RAD54L2: variants seen among roughly 807,000 people sequenced by gnomAD.
The protein encoded by RAD54L2 is helicase ARIP4.
A neutral mutation model predicts 138.4 loss-of-function variants in RAD54L2; 27 were observed. That is an observed-to-expected ratio of 0.20 (90% CI 0.14 to 0.27). The LOEUF (loss-of-function observed/expected upper bound fraction) is 0.27. RAD54L2 is among the 10% of genes least tolerant of loss of function. The probability of loss-of-function intolerance (pLI) is 1.00; values close to 1 mark genes in which losing one functional copy is unlikely to be tolerated. For synonymous variants in RAD54L2, 644 were observed against 723.2 expected (o/e 0.89, Z 1.76); for missense variants, 1,396 against 1,890.2 (o/e 0.74, Z 4.85).
rs1276944523 is a variant in RAD54L2 at position 51,667,279 on chromosome 3, C to T, written c.*3859C>T. ...TCCCGGTTTCAAGCGATCCTCCTGC[C>T]TCAGCCTCCCAAGTAGCTGGGATTA... On this transcript the variant is annotated 3_prime_UTR_variant, in exon 23 of 23. Transcript: ENST00000684192. 1 of 152,160 alleles carries T rather than the reference C, an allele frequency of 6.6e-6. No homozygotes were observed. Among genetic ancestry groups the T allele is most frequent in the African/African-American group, 2.4e-5 (1 of 41,380 alleles). 9.4% of individuals were successfully genotyped at this position (152,160 alleles called of 1,614,324 possible).
rs1256137797 is a variant in RAD54L2 at position 51,584,678 on chromosome 3, A to G, written c.-54-5689A>G. 6.7e-5 allele frequency among the ~76,000 whole-genome samples: 10 copies of G among 149,208 alleles called. No individual in the cohort carries two copies. In the South Asian group the frequency reaches 8.4e-4, roughly 13 times the overall value. ...ATATATACTATAATATATATACTCTATAGTACTTACTATAGAGTAACTGAA... is the reference window on the plus strand; with the variant it reads ...ATATATACTATAATATATATACTCTGTAGTACTTACTATAGAGTAACTGAA... On this transcript the variant is annotated intron_variant, in intron 2 of 22. Coordinates refer to ENST00000684192, the MANE Select transcript of RAD54L2 (RefSeq NM_015106.4).
intron 3 of RAD54L2, among the ~76,000 whole-genome samples, chr3:51,610,310 A>G (rs1221528511): frequency 3.3e-5 from 5 of 152,104 alleles, no homozygotes; most frequent in Admixed American, 2.6e-4. Flanking sequence ...TTATTAAAGA[A>G]TGAATCTTTG....
chr3:51,646,403 C>T lies in RAD54L2; in HGVS notation c.2948C>T (p.Thr983Ile). 1.2e-6 allele frequency: 2 copies of T among 1,613,844 alleles called. No individual in the cohort carries two copies. The highest frequency in any genetic ancestry group is 1.7e-6 in the Non-Finnish European group (2 of 1,179,816). Residue 983 changes from threonine (T) to isoleucine (I), a missense_variant, in exon 19 of 23, where the codon ACC (threonine) becomes ATC (isoleucine). Around this residue, in one of 7 missense-constraint regions of RAD54L2, gnomAD observed 634 missense variants for 711.2 expected, o/e 0.89. Coordinates refer to ENST00000684192, the MANE Select transcript of RAD54L2 (RefSeq NM_015106.4). The part of the protein sequence containing the change: ...EEDKRTSVPY[T>I]RPSYAQYYPA... The stretch of plus-strand genomic sequence containing the variant: ...GACAAACGCACATCAGTCCCCTATA[C>T]CCGCCCATCGTATGCGCAGTATTAC...
intron 5 of RAD54L2, 148 bp downstream of exon 5, chr3:51,629,621 G>A: frequency 9.5e-7 from 1 of 1,055,190 alleles, no homozygotes; most frequent in Non-Finnish European, 1.3e-6. Flanking sequence ...CATTATGGGA[G>A]GCTGAGGCAG....
At chr3:51,601,955 T>C (rs1177984646) in intron 3 of RAD54L2, among the ~76,000 whole-genome samples, 1 of 151,674 alleles carries the variant, frequency 6.6e-6, no homozygotes, top group African/African-American at 2.4e-5. Context: ...CTCAGCCCCC[T>C]GAGTTGCCAG....
chr3:51,555,019 T>G (rs1341015546), intron 2 of RAD54L2, among the ~76,000 whole-genome samples: 1 of 152,068 alleles, frequency 6.6e-6, no homozygotes, highest in East Asian at 1.9e-4. Context: ...ATTTTTGTAT[T>G]TTTTATAGTA....
intron 9 of RAD54L2, among the ~76,000 whole-genome samples, chr3:51,634,373 T>C (rs1284883756): frequency 2.7e-4 from 38 of 141,984 alleles, no homozygotes; most frequent in African/African-American, 9.7e-4. Context: ...TTTTTTTTTT[T>C]TTTTTTTTTT....
chr3:51,625,127 A>G (rs958873862), intron 3 of RAD54L2, among the ~76,000 whole-genome samples: 7 of 152,158 alleles, frequency 4.6e-5, no homozygotes, highest in Non-Finnish European at 1.0e-4. Context: ...AGTTGAATAA[A>G]TAAATGGGAG....
Position 51,635,577 on chromosome 3 carries a change from T to A in RAD54L2, c.1143-16T>A. ...ATAATTCACATCTCACACAATTTTC[T>A]CTGTTCATCTTGCAGGACGATGGCA... is the stretch of plus-strand genomic sequence containing the variant. On this transcript the variant is annotated splice_polypyrimidine_tract_variant and intron_variant, in intron 9 of 22. Transcript: ENST00000684192. The A allele has an allele frequency of 6.3e-7, 1 of 1,583,384 alleles. No homozygotes were observed. The highest frequency in any genetic ancestry group is 8.6e-7 in the Non-Finnish European group (1 of 1,165,668).
intron 19 of RAD54L2, among the ~76,000 whole-genome samples, chr3:51,648,196 A>G (rs968436398): frequency 5.9e-5 from 9 of 152,196 alleles, no homozygotes; most frequent in Non-Finnish European, 1.0e-4. Context: ...GCTCACTGCT[A>G]GTGCAGCAGT....
At chr3:51,607,071 T>TTTTTTTATTTTTTTA (rs1234448126) in intron 3 of RAD54L2, among the ~76,000 whole-genome samples, 3 of 148,112 alleles carry the variant, frequency 2.0e-5, no homozygotes, top group Admixed American at 6.7e-5. Flanking sequence ...TCTTTTTATT[T>TTTTTTTATTTTTTTA]TTTTTTATTT....
At chr3:51,566,471 T>TG (rs1559619186) in intron 2 of RAD54L2, among the ~76,000 whole-genome samples, 1 of 126,530 alleles carries the variant, frequency 7.9e-6, no homozygotes, top group Non-Finnish European at 1.7e-5. Context: ...TCTGCGTTTT[T>TG]TTTTTTTTTT....
intron 2 of RAD54L2, among the ~76,000 whole-genome samples, chr3:51,588,185 C>CA (rs987919898): frequency 0.047 from 592 of 12,574 alleles, 71 homozygotes; most frequent in African/African-American, 0.1. Context: ...GACTCCATCT[C>CA]AAAAAAAAAA....
At position 51,663,145 on chromosome 3, in the gene RAD54L2, G is replaced by A. The variant is rs372834083; in HGVS notation, c.4129G>A (p.Gly1377Arg). The change falls in exon 23 of 23, where the codon GGG (glycine) becomes AGG (arginine). Residue 1377 changes from glycine to arginine, a missense_variant. By Grantham distance (125) the Gly-to-Arg change is moderately radical. Around this residue, in one of 7 missense-constraint regions of RAD54L2, gnomAD observed 634 missense variants for 711.2 expected, o/e 0.89. Coordinates refer to ENST00000684192, the MANE Select transcript of RAD54L2 (RefSeq NM_015106.4). ...CTTCATGCTCAACCCTTCTGTGCCA[G>A]GGATACTACCCAGCTATTCACTCCC... Reference protein sequence around the residue: ...PSFMLNPSVPGILPSYSLPFS... With the variant: ...PSFMLNPSVPRILPSYSLPFS... 2 of 1,613,988 alleles carry A rather than the reference G, an allele frequency of 1.2e-6. No individual in the cohort carries two copies. Among genetic ancestry groups the A allele is most frequent in the Non-Finnish European group, 1.7e-6 (2 of 1,179,876 alleles).
intron 2 of RAD54L2, among the ~76,000 whole-genome samples, chr3:51,563,833 G>T (rs1318109430): frequency 6.6e-6 from 1 of 152,172 alleles, no homozygotes; most frequent in Non-Finnish European, 1.5e-5. Context: ...TTATTAGGTG[G>T]TAGACTATCA....
In RAD54L2 at chr3:51,662,315, A is replaced by G. The variant is rs1025823789; in HGVS notation, c.3410-111A>G. On this transcript the variant is annotated intron_variant, in intron 22 of 22. Coordinates refer to ENST00000684192, the MANE Select transcript of RAD54L2 (RefSeq NM_015106.4). This position sits in a 1 kb window ranked among gnomAD's most constrained non-coding sequence, Gnocchi z 4.6. ...GGTGATGTTGTTCAGACATCAAACT[A>G]TTAGAATTTTGGGGACTACAGGACA... 1.7e-5 allele frequency: 17 copies of G among 995,550 alleles called. No individual in the cohort carries two copies. The highest frequency in any genetic ancestry group is 2.3e-5 in the Non-Finnish European group (16 of 710,184). 61.7% of individuals were successfully genotyped at this position (995,550 alleles called of 1,614,324 possible).
At position 51,646,454 on chromosome 3, in the gene RAD54L2, G is replaced by C. The variant is rs752706142; in HGVS notation, c.2999G>C (p.Ser1000Thr). ...YYPASDQSLT[S>T]IPAFSQRNWQ... is the part of the protein sequence containing the mutation. Reference sequence around the variant, plus strand: ...CCTGCCAGCGATCAGAGCCTGACCAGCATCCCCGCCTTCAGCCAGAGAAAC... The same window carrying C: ...CCTGCCAGCGATCAGAGCCTGACCACCATCCCCGCCTTCAGCCAGAGAAAC... The change falls in exon 19 of 23, where the codon AGC becomes ACC. Residue 1000 changes from serine (S) to threonine (T), a missense_variant. Physicochemically the swap from Ser to Thr is moderately conservative, Grantham distance 58. This residue lies in a region of RAD54L2 where 634 missense variants were observed against 711.2 expected (regional missense o/e 0.89). Transcript: ENST00000684192. The C allele has an allele frequency of 6.2e-7, 1 of 1,610,608 alleles. No homozygotes were observed. Among genetic ancestry groups the C allele is most frequent in the Non-Finnish European group, 8.5e-7 (1 of 1,178,096 alleles).
At chr3:51,659,216 C>T (rs1395644835) in intron 21 of RAD54L2, among the ~76,000 whole-genome samples, 3 of 151,174 alleles carry the variant, frequency 2.0e-5, no homozygotes, top group Admixed American at 6.6e-5. Flanking sequence ...TGCCATTCTC[C>T]TGCCTCAGCC....
intron 2 of RAD54L2, among the ~76,000 whole-genome samples, chr3:51,581,815 C>G (rs1699613572): frequency 6.6e-6 from 1 of 152,114 alleles, no homozygotes; most frequent in African/African-American, 2.4e-5. Flanking sequence ...ACCTGATCTG[C>G]TTTTAAGCTG....
Sources: allele counts gnomAD v4.1 joint callset (sites outside exome capture counted in the v4.1 genomes callset), GRCh38; gene constraint gnomAD v4.1.1; regional missense constraint gnomAD v4.1.1; non-coding constraint Gnocchi (gnomAD v3.1); transcripts MANE v1.5; gene names NCBI Gene and HGNC (gene_info 2026-07-23, HGNC 2026-07-21).